SLC10A7: variants seen among roughly 807,000 people sequenced by gnomAD.
SLC10A7 encodes solute carrier family 10 member 7, also known as sodium/bile acid cotransporter 7.
SLC10A7 carries 29 observed loss-of-function variants against 43.2 expected under a neutral mutation model. The ratio of observed to expected loss-of-function variants is 0.67; its 90% CI spans 0.50 to 0.92. The LOEUF (loss-of-function observed/expected upper bound fraction) is 0.92. SLC10A7 is among the 40% of genes least tolerant of loss of function. The pLI is 0.00. For synonymous variants in SLC10A7, 152 were observed against 144.8 expected (o/e 1.05, Z -0.35); for missense variants, 295 against 403.2 (o/e 0.73, Z 2.30).
At chr4:146,519,525 A>T (rs944402216) in intron 1 of SLC10A7, among the ~76,000 whole-genome samples, 5 of 151,962 alleles carry the variant, frequency 3.3e-5, no homozygotes, top group Non-Finnish European at 7.4e-5. Flanking sequence ...TGCAAAAGGC[A>T]TTGCATTTGG....
intron 4 of SLC10A7, among the ~76,000 whole-genome samples, chr4:146,483,101 C>T (rs1208679476): frequency 2.6e-5 from 4 of 152,166 alleles, no homozygotes; most frequent in East Asian, 3.9e-4. Flanking sequence ...GAGTTCCTTA[C>T]GTGGAAATGA....
chr4:146,441,127 A>G (rs1730563585), intron 5 of SLC10A7, among the ~76,000 whole-genome samples: 1 of 152,190 alleles, frequency 6.6e-6, no homozygotes. Flanking sequence ...GTAGCAGGAA[A>G]TCAATAAATA....
chr4:146,437,386 C>T (rs1313324062), intron 5 of SLC10A7, among the ~76,000 whole-genome samples: 1 of 152,030 alleles, frequency 6.6e-6, no homozygotes, highest in Non-Finnish European at 1.5e-5. Flanking sequence ...CATTTAAAAT[C>T]TTGGTTTTAT....
intron 5 of SLC10A7, among the ~76,000 whole-genome samples, chr4:146,356,119 T>G (rs1735606748): frequency 6.6e-6 from 1 of 150,548 alleles, no homozygotes; most frequent in South Asian, 2.1e-4. Flanking sequence ...CAACTATTAT[T>G]ATTTGATTTA....
chr4:146,459,702 C>T (rs1219407326), intron 4 of SLC10A7, among the ~76,000 whole-genome samples: 2 of 151,370 alleles, frequency 1.3e-5, no homozygotes, highest in Admixed American at 1.3e-4. Flanking sequence ...AACATAAGAA[C>T]TAAATCTATA....
chr4:146,294,157 C>A, intron 7 of SLC10A7, 62 bp from the exon 8 acceptor site: 1 of 1,308,126 alleles, frequency 7.6e-7, no homozygotes, highest in Non-Finnish European at 1.0e-6. Context: ...AAATGGGCAT[C>A]ACAAAGTGAT....
intron 5 of SLC10A7, among the ~76,000 whole-genome samples, chr4:146,384,445 T>C (rs988695774): frequency 1.3e-5 from 2 of 152,072 alleles, no homozygotes; most frequent in Non-Finnish European, 2.9e-5. Context: ...AAAAGACTAA[T>C]GGGAAATGGG....
chr4:146,507,066 C>G lies in SLC10A7; in HGVS notation c.320+2847G>C, dbSNP rs150071292. 1.6e-3 allele frequency among the ~76,000 whole-genome samples: 248 copies of G among 152,306 alleles called. 1 individual carries two copies. Among genetic ancestry groups the G allele is most frequent in the African/African-American group, 5.6e-3 (234 of 41,570 alleles). ...TCAAACTAATTAACATATACATCTACTCTCTTGGCAATTTTCTAGTATACG... is the reference window on the plus strand; with the variant it reads ...TCAAACTAATTAACATATACATCTAGTCTCTTGGCAATTTTCTAGTATACG... On this transcript the variant is annotated intron_variant, in intron 3 of 11. Coordinates refer to ENST00000335472, the MANE Select transcript of SLC10A7 (RefSeq NM_001029998.6).
intron 3 of SLC10A7, among the ~76,000 whole-genome samples, chr4:146,508,470 A>G (rs896272904): frequency 2.0e-5 from 3 of 152,152 alleles, no homozygotes; most frequent in Admixed American, 1.3e-4. Context: ...TTTTATGTTC[A>G]TTCTCTGAAA....
chr4:146,446,138 A>T (rs899540124), intron 4 of SLC10A7, among the ~76,000 whole-genome samples: 2 of 152,044 alleles, frequency 1.3e-5, no homozygotes, highest in African/African-American at 4.8e-5. Flanking sequence ...TATCACTTCC[A>T]AGAAGTTTTC....
intron 5 of SLC10A7, among the ~76,000 whole-genome samples, chr4:146,356,051 AAT>A (rs763407986): frequency 0.095 from 13,352 of 139,986 alleles, 630 homozygotes; most frequent in Non-Finnish European, 0.11. Context: ...AAAAAAAAAA[AAT>A]ATATATATAT....
intron 5 of SLC10A7, among the ~76,000 whole-genome samples, chr4:146,432,673 A>G (rs913290150): frequency 6.6e-6 from 1 of 152,196 alleles, no homozygotes; most frequent in African/African-American, 2.4e-5. Flanking sequence ...GATGGTTGCT[A>G]TGTGACTGCA....
intron 7 of SLC10A7, among the ~76,000 whole-genome samples, chr4:146,295,126 T>C (rs568852621): frequency 1.3e-5 from 2 of 152,292 alleles, no homozygotes; most frequent in South Asian, 4.1e-4. Context: ...GGAGCATATC[T>C]TTACAGATGC....
In SLC10A7 at chr4:146,521,743, T is replaced by G. The variant is rs767264712; in HGVS notation, c.-26A>C. 1 of 1,596,868 alleles carries G rather than the reference T, an allele frequency of 6.3e-7. No homozygotes were observed. The highest frequency in any genetic ancestry group is 8.6e-7 in the Non-Finnish European group (1 of 1,165,154). On this transcript the variant is annotated 5_prime_UTR_variant, in exon 1 of 12. Transcript: ENST00000335472. ...ATTTGTTAGGGTGGGTGGGTTTTGTTTATTTGTTTGGCTTTTTTTCTTTTC... is the reference window on the plus strand; with the variant it reads ...ATTTGTTAGGGTGGGTGGGTTTTGTGTATTTGTTTGGCTTTTTTTCTTTTC...
intron 3 of SLC10A7, among the ~76,000 whole-genome samples, chr4:146,509,139 C>T (rs978874202): frequency 1.3e-5 from 2 of 152,206 alleles, no homozygotes; most frequent in African/African-American, 4.8e-5. Flanking sequence ...GTTCTTTTTA[C>T]ATCATTTATC....
chr4:146,386,455 A>T (rs1738003628), intron 5 of SLC10A7, among the ~76,000 whole-genome samples: 1 of 152,118 alleles, frequency 6.6e-6, no homozygotes, highest in Non-Finnish European at 1.5e-5. Flanking sequence ...ACATTTTGCT[A>T]CCTCTCTCTC....
At chr4:146,373,519 C>CA (rs1441700133) in intron 5 of SLC10A7, among the ~76,000 whole-genome samples, 1 of 148,978 alleles carries the variant, frequency 6.7e-6, no homozygotes, top group Non-Finnish European at 1.5e-5. Flanking sequence ...AAGGGCCAGG[C>CA]AAAATTCAAG....
chr4:146,385,918 A>C (rs1737959823), intron 5 of SLC10A7, among the ~76,000 whole-genome samples: 1 of 152,206 alleles, frequency 6.6e-6, no homozygotes, highest in African/African-American at 2.4e-5. Context: ...ATGTTGCTGC[A>C]GAAGTCATGA....
chr4:146,516,122 A>C (rs1435009286), intron 2 of SLC10A7, among the ~76,000 whole-genome samples: 1 of 152,094 alleles, frequency 6.6e-6, no homozygotes, highest in Non-Finnish European at 1.5e-5. Flanking sequence ...TTTTAAAGCC[A>C]TTTCCAAAAA....
Sources: allele counts gnomAD v4.1 joint callset (sites outside exome capture counted in the v4.1 genomes callset), GRCh38; gene constraint gnomAD v4.1.1; transcripts MANE v1.5; gene names NCBI Gene and HGNC (gene_info 2026-07-23, HGNC 2026-07-21).